Variants in RNF130 observed in about 807,000 individuals in gnomAD.
The protein encoded by RNF130 is E3 ubiquitin-protein ligase RNF130.
RNF130 carries 21 observed loss-of-function variants against 44.6 expected under a neutral mutation model. The observed-to-expected ratio is 0.47, with a 90% confidence interval of 0.33 to 0.68. The LOEUF is 0.68. Among genes scored for constraint, RNF130 ranks in the 30% least tolerant of loss-of-function variants. The pLI is 0.02. For missense variants in RNF130, 479 were observed against 560.6 expected, an observed-to-expected ratio of 0.85 and a Z score of 1.47; for synonymous variants, 214 against 210.4, an observed-to-expected ratio of 1.02 and a Z score of -0.15.
intron 1 of RNF130, among the ~76,000 whole-genome samples, chr5:180,066,358 C>T (rs1364853404): frequency 6.6e-6 from 1 of 152,204 alleles, no homozygotes; most frequent in East Asian, 1.9e-4. Flanking sequence ...GCCTCCTCAG[C>T]CATGTGAAAC....
intron 7 of RNF130, among the ~76,000 whole-genome samples, chr5:179,947,611 CAT>C (rs1762061555): frequency 6.6e-6 from 1 of 152,218 alleles, no homozygotes; most frequent in Admixed American, 6.5e-5. Context: ...CCTGTTTCCT[CAT>C]CTGTAAAACG....
intron 7 of RNF130, among the ~76,000 whole-genome samples, chr5:179,923,478 C>T (rs1761662240): frequency 6.6e-6 from 1 of 152,294 alleles, no homozygotes; most frequent in Non-Finnish European, 1.5e-5. Context: ...AAGGTTTCTC[C>T]ATACACAGTG....
chr5:179,991,683 C>G lies in RNF130; in HGVS notation c.694-11483G>C, dbSNP rs1319271773. On this transcript the variant is annotated intron_variant, in intron 3 of 8. Coordinates refer to ENST00000521389, the MANE Select transcript of RNF130 (RefSeq NM_018434.6). ...CTGGTTTTGTGGAAGACAATTTTTC[C>G]ACAGACTGGCGGGTAGGGGATGGTT... Among the ~76,000 whole-genome samples, 24 of 152,260 alleles carry G rather than the reference C, an allele frequency of 1.6e-4. 1 individual carries two copies. Among genetic ancestry groups the G allele is most frequent in the Middle Eastern group, 3.4e-3 (1 of 294 alleles).
intron 3 of RNF130, among the ~76,000 whole-genome samples, chr5:180,001,755 GTTGTGTGGACCCAGCA>G (rs1363938557): frequency 3.1e-4 from 47 of 152,308 alleles, no homozygotes; most frequent in African/African-American, 1.1e-3. Context: ...GAGCAGAGCT[GTTGTGTGGACCCAGCA>G]TGGGAGGGGA....
In RNF130 at chr5:179,970,262, G is replaced by A. The variant is rs886489071; in HGVS notation, c.945+148C>T. 5.8e-5 allele frequency: 32 copies of A among 553,582 alleles called. 1 individual carries two copies. In the East Asian group the frequency reaches 8.9e-4, roughly 15 times the overall value. The allele number at this position is 553,582 out of a possible 1,614,324, so 34.3% of individuals were successfully genotyped here. A position where few individuals can be genotyped will look rare whatever the true frequency, so the allele number is the denominator to read the frequency against. Reference sequence around the variant, plus strand: ...CTTAGTAATCTGGTAAAAAGGTCCTGTTGGGCTTACATGGTTACATGGCAA... The same window carrying A: ...CTTAGTAATCTGGTAAAAAGGTCCTATTGGGCTTACATGGTTACATGGCAA... On this transcript the variant is annotated intron_variant, in intron 6 of 8. Coordinates refer to ENST00000521389, the MANE Select transcript of RNF130 (RefSeq NM_018434.6).
At chr5:180,037,828 TCTAA>T (rs1222934274) in intron 2 of RNF130, among the ~76,000 whole-genome samples, 3 of 152,226 alleles carry the variant, frequency 2.0e-5, no homozygotes, top group African/African-American at 4.8e-5. Flanking sequence ...CATTATGTTT[TCTAA>T]CTGTCTATGA....
chr5:180,071,357 G>C, intron 1 of RNF130, 99 bp downstream of exon 1: 2 of 1,136,358 alleles, frequency 1.8e-6, no homozygotes, highest in Non-Finnish European at 2.2e-6. Context: ...GCCGGGCAGC[G>C]CGGGAGAGCC....
chr5:180,056,595 A>G (rs1050119338), intron 1 of RNF130, among the ~76,000 whole-genome samples: 1 of 152,196 alleles, frequency 6.6e-6, no homozygotes, highest in Non-Finnish European at 1.5e-5. Flanking sequence ...ATTAGGAAAG[A>G]TGAACCATGT....
At position 179,996,813 on chromosome 5, in the gene RNF130, T is replaced by C. The variant is rs945761615; in HGVS notation, c.693+16248A>G. 3.9e-5 allele frequency among the ~76,000 whole-genome samples: 6 copies of C among 152,348 alleles called. No individual in the cohort carries two copies. The East Asian group carries it at 9.6e-4, about 24-fold the overall frequency. ...TCCTCATGTGGTATTGCTATTAGGG[T>C]AATGCTGGCCTTGTGGATTGAGTTC... On this transcript the variant is annotated intron_variant, in intron 3 of 8. Coordinates refer to ENST00000521389, the MANE Select transcript of RNF130 (RefSeq NM_018434.6).
At chr5:179,940,005 A>C in intron 7 of RNF130, 1 of 221,544 alleles carries the variant, frequency 4.5e-6, no homozygotes, top group South Asian at 6.7e-5. Context: ...TCCACTGCTC[A>C]TCTGAATTTT....
chr5:179,999,936 C>A (rs1200232980), intron 3 of RNF130, among the ~76,000 whole-genome samples: 1 of 152,012 alleles, frequency 6.6e-6, no homozygotes, highest in Non-Finnish European at 1.5e-5. Flanking sequence ...TATTTTTGTT[C>A]TCTCCTATTG....
chr5:179,971,149 G>T (rs1242184176), intron 5 of RNF130, among the ~76,000 whole-genome samples: 1 of 152,104 alleles, frequency 6.6e-6, no homozygotes, highest in East Asian at 1.9e-4. Context: ...TCTTGTGACT[G>T]GAAATAAGTC....
At chr5:179,944,191 G>A (rs531715433) in intron 7 of RNF130, among the ~76,000 whole-genome samples, 1 of 152,002 alleles carries the variant, frequency 6.6e-6, no homozygotes, top group African/African-American at 2.4e-5. Flanking sequence ...GGCTGGTCTC[G>A]AACTCCTGAC....
chr5:180,060,724 T>A (rs1764958970), intron 1 of RNF130, among the ~76,000 whole-genome samples: 1 of 152,198 alleles, frequency 6.6e-6, no homozygotes, highest in African/African-American at 2.4e-5. Flanking sequence ...ACCGCTTTCA[T>A]CACTTATCAA....
At chr5:180,009,879 A>C (rs1423527993) in intron 3 of RNF130, among the ~76,000 whole-genome samples, 2 of 152,234 alleles carry the variant, frequency 1.3e-5, no homozygotes, top group Non-Finnish European at 2.9e-5. Context: ...GCAATTAAAC[A>C]AACGGTGGTA....
intron 2 of RNF130, among the ~76,000 whole-genome samples, chr5:180,031,556 G>A (rs950492167): frequency 1.3e-5 from 2 of 152,158 alleles, no homozygotes; most frequent in Non-Finnish European, 2.9e-5. Context: ...GGGGGTCAGT[G>A]TCCCTCCCTA....
chr5:180,045,972 C>CG (rs953658776), intron 1 of RNF130, among the ~76,000 whole-genome samples: 3 of 152,334 alleles, frequency 2.0e-5, no homozygotes. Flanking sequence ...AGCCCCTGGG[C>CG]GGTGGATGGG....
chr5:180,045,211 T>C (rs918086916), intron 1 of RNF130, among the ~76,000 whole-genome samples: 1 of 152,188 alleles, frequency 6.6e-6, no homozygotes, highest in Non-Finnish European at 1.5e-5. Flanking sequence ...GTAAGAATAG[T>C]ATGTAAATAT....
intron 1 of RNF130, among the ~76,000 whole-genome samples, chr5:180,065,132 A>G: frequency 7.1e-6 from 1 of 139,940 alleles, no homozygotes; most frequent in East Asian, 2.1e-4. Context: ...TACAGAATGA[A>G]TTTAAAAAAA....
Sources: allele counts gnomAD v4.1 joint callset (sites outside exome capture counted in the v4.1 genomes callset), GRCh38; gene constraint gnomAD v4.1.1; transcripts MANE v1.5; gene names NCBI Gene and HGNC (gene_info 2026-07-23, HGNC 2026-07-21).